Variants in TMEM108 observed in about 807,000 individuals in gnomAD.
The protein encoded by TMEM108 is transmembrane protein 108.
A neutral mutation model predicts 35.1 loss-of-function variants in TMEM108; 12 were observed. The ratio of observed to expected loss-of-function variants is 0.34; its 90% confidence interval spans 0.22 to 0.55. TMEM108 has a LOEUF of 0.55. TMEM108 is among the 20% of genes least tolerant of loss of function. TMEM108 has a pLI of 0.89. For missense variants in TMEM108, 680 were observed against 753.3 expected (o/e 0.90, Z 1.14); for synonymous variants, 287 against 308.6 (o/e 0.93, Z 0.73).
At chr3:133,197,144 T>C (rs1444035955) in intron 2 of TMEM108, among the ~76,000 whole-genome samples, 2 of 152,192 alleles carry the variant, frequency 1.3e-5, no homozygotes, top group African/African-American at 2.4e-5. Context: ...TAGACTACTA[T>C]GTAACTGCAG....
At chr3:133,395,465 G>C (rs950788156) in intron 5 of TMEM108, among the ~76,000 whole-genome samples, 3 of 152,146 alleles carry the variant, frequency 2.0e-5, no homozygotes, top group Admixed American at 2.0e-4. Context: ...AAGTAGTCTG[G>C]GTGCAAGTGG....
At chr3:133,373,334 G>A (rs1281194369) in intron 3 of TMEM108, among the ~76,000 whole-genome samples, 2 of 140,424 alleles carry the variant, frequency 1.4e-5, no homozygotes, top group South Asian at 2.3e-4. Flanking sequence ...GGGTCACAGA[G>A]TGAGACCTTG....
chr3:133,177,014 A>G (rs2107797448), intron 2 of TMEM108, among the ~76,000 whole-genome samples: 1 of 152,312 alleles, frequency 6.6e-6, no homozygotes, highest in South Asian at 2.1e-4. Context: ...AATACAAACT[A>G]CCATCAGAGA....
chr3:133,070,307 C>T (rs952070215), intron 2 of TMEM108, among the ~76,000 whole-genome samples: 3 of 152,110 alleles, frequency 2.0e-5, no homozygotes, highest in Non-Finnish European at 4.4e-5. Flanking sequence ...GAGAGGAGGG[C>T]TTACACAAGT....
chr3:133,375,297 T>C (rs140674799), intron 3 of TMEM108, among the ~76,000 whole-genome samples: 104 of 152,302 alleles, frequency 6.8e-4, no homozygotes, highest in Non-Finnish European at 1.2e-3. Flanking sequence ...GAATTTTCAG[T>C]AGGAGGAGAC....
At chr3:133,300,133 C>T (rs1278957943) in intron 3 of TMEM108, among the ~76,000 whole-genome samples, 2 of 152,104 alleles carry the variant, frequency 1.3e-5, no homozygotes, top group African/African-American at 2.4e-5. Context: ...CATTGAAAGC[C>T]TCCAAAATGT....
chr3:133,348,016 A>G (rs2071874003), intron 3 of TMEM108, among the ~76,000 whole-genome samples: 1 of 152,110 alleles, frequency 6.6e-6, no homozygotes, highest in Non-Finnish European at 1.5e-5. Context: ...AATTCTAATA[A>G]TGGAATTCTT....
At chr3:133,273,135 A>G (rs548062401) in intron 3 of TMEM108, among the ~76,000 whole-genome samples, 1 of 152,264 alleles carries the variant, frequency 6.6e-6, no homozygotes, top group East Asian at 1.9e-4. Flanking sequence ...CATACACAAG[A>G]ACTTTGCCCT....
At chr3:133,082,932 G>A (rs891779088) in intron 2 of TMEM108, among the ~76,000 whole-genome samples, 3 of 152,160 alleles carry the variant, frequency 2.0e-5, no homozygotes, top group Admixed American at 6.5e-5. Flanking sequence ...GGGATTACAG[G>A]CGTGAGCCAC....
At chr3:133,044,961 C>CTTTTTTTTTTTTTTTTTTTTTT (rs11444221) in intron 1 of TMEM108, among the ~76,000 whole-genome samples, 3 of 142,828 alleles carry the variant, frequency 2.1e-5, no homozygotes, top group Non-Finnish European at 3.0e-5. Context: ...TGAAGTGCTG[C>CTTTTTTTTTTTTTTTTTTTTTT]TTTTTTTTTT....
At chr3:133,236,535 G>A (rs1289331685) in intron 3 of TMEM108, among the ~76,000 whole-genome samples, 1 of 152,062 alleles carries the variant, frequency 6.6e-6, no homozygotes, top group Non-Finnish European at 1.5e-5. Flanking sequence ...TGGGCCTAAT[G>A]AGAAGCTGCT....
intron 3 of TMEM108, among the ~76,000 whole-genome samples, chr3:133,366,198 AAC>A (rs2072496606): frequency 6.6e-6 from 1 of 152,204 alleles, no homozygotes; most frequent in African/African-American, 2.4e-5. Context: ...TTCTGAGCAT[AAC>A]ACAGGGTAAA....
At chr3:133,179,000 T>C (rs1458138358) in intron 2 of TMEM108, among the ~76,000 whole-genome samples, 2 of 152,108 alleles carry the variant, frequency 1.3e-5, no homozygotes, top group African/African-American at 4.8e-5. Context: ...GCGAAAGATA[T>C]GAACAGACAC....
At chr3:133,163,574 G>GGACTGTGCCTTGGA (rs1422903438) in intron 2 of TMEM108, among the ~76,000 whole-genome samples, 12 of 152,194 alleles carry the variant, frequency 7.9e-5, no homozygotes, top group African/African-American at 2.9e-4. Flanking sequence ...AGGCTAGTGG[G>GGACTGTGCCTTGGA]GACTGTGCCT....
intron 2 of TMEM108, among the ~76,000 whole-genome samples, chr3:133,203,655 A>C (rs1036474087): frequency 1.3e-5 from 2 of 152,302 alleles, no homozygotes; most frequent in South Asian, 4.2e-4. Context: ...CGACTTGATC[A>C]TGGTGGATAA....
chr3:133,053,161 A>G (rs376985769), intron 2 of TMEM108, among the ~76,000 whole-genome samples: 6 of 152,098 alleles, frequency 3.9e-5, no homozygotes, highest in African/African-American at 1.4e-4. Context: ...CAACCCAGAA[A>G]CCACAGGGGG....
At chr3:133,252,878 T>C (rs2107669631) in intron 3 of TMEM108, among the ~76,000 whole-genome samples, 1 of 152,346 alleles carries the variant, frequency 6.6e-6, no homozygotes, top group South Asian at 2.1e-4. Context: ...ATGTGGAATC[T>C]GTGGATATGG....
At chr3:133,389,894 A>G (rs553684327) in intron 4 of TMEM108, among the ~76,000 whole-genome samples, 3 of 147,742 alleles carry the variant, frequency 2.0e-5, no homozygotes, top group Non-Finnish European at 3.0e-5. Flanking sequence ...TAAGTCCTAT[A>G]TAACTATTAA....
chr3:133,359,352 T>C (rs993375503), intron 3 of TMEM108, among the ~76,000 whole-genome samples: 2 of 152,208 alleles, frequency 1.3e-5, no homozygotes, highest in Non-Finnish European at 2.9e-5. Flanking sequence ...TGCAGCATTT[T>C]CCCAAGTTTA....
Sources: allele counts gnomAD v4.1 joint callset (sites outside exome capture counted in the v4.1 genomes callset), GRCh38; gene constraint gnomAD v4.1.1; transcripts MANE v1.5; gene names NCBI Gene and HGNC (gene_info 2026-07-23, HGNC 2026-07-21).